IKZF2: variants seen among roughly 807,000 people sequenced by gnomAD.
IKZF2 encodes zinc finger protein Helios.
Under a neutral mutation model 49.2 loss-of-function variants are expected in IKZF2, and 15 were observed. That is an observed-to-expected ratio of 0.30 (90% CI 0.20 to 0.47). IKZF2 has a LOEUF of 0.47. IKZF2 is among the 20% of genes least tolerant of loss of function. IKZF2 has a pLI of 1.00. For synonymous variants in IKZF2, 227 were observed against 221.4 expected (o/e 1.03, Z -0.23); for missense variants, 567 against 664.6 (o/e 0.85, Z 1.61).
intron 6 of IKZF2, among the ~76,000 whole-genome samples, chr2:213,040,383 A>T (rs1247933760): frequency 6.6e-6 from 1 of 151,898 alleles, no homozygotes; most frequent in Non-Finnish European, 1.5e-5. Context: ...CCCTCTATGG[A>T]GACACATTCT....
intron 1 of IKZF2, among the ~76,000 whole-genome samples, chr2:213,151,016 G>A (rs1575019837): frequency 6.6e-6 from 1 of 150,872 alleles, no homozygotes; most frequent in African/African-American, 2.4e-5. Context: ...TTAAAACAAA[G>A]CAAAACAAGT....
At chr2:213,029,401 T>C (rs1698163989) in intron 6 of IKZF2, among the ~76,000 whole-genome samples, 1 of 152,088 alleles carries the variant, frequency 6.6e-6, no homozygotes, top group Admixed American at 6.5e-5. Flanking sequence ...CAATAATTTC[T>C]ATTTTTTATT....
chr2:213,128,316 T>C (rs2060336094), intron 4 of IKZF2, among the ~76,000 whole-genome samples: 1 of 152,214 alleles, frequency 6.6e-6, no homozygotes, highest in Non-Finnish European at 1.5e-5. Context: ...AATTGTTACA[T>C]TTATTTCTTC....
intron 4 of IKZF2, among the ~76,000 whole-genome samples, chr2:213,087,485 A>C (rs1270219214): frequency 1.3e-5 from 2 of 152,148 alleles, no homozygotes; most frequent in Admixed American, 6.5e-5. Context: ...TGAAATGACT[A>C]TCCATTACTA....
chr2:213,133,509 T>C (rs2060541005), intron 4 of IKZF2, among the ~76,000 whole-genome samples: 1 of 152,020 alleles, frequency 6.6e-6, no homozygotes, highest in African/African-American at 2.4e-5. Context: ...GGTAGGCAGA[T>C]TACTTGAGGT....
chr2:213,003,203 C>T lies in IKZF2; in HGVS notation c.*4157G>A, dbSNP rs1014116088. 2 of 151,910 alleles carry T rather than the reference C, an allele frequency of 1.3e-5. No individual in the cohort carries two copies. Among genetic ancestry groups the T allele is most frequent in the African/African-American group, 2.4e-5 (1 of 41,332 alleles). The allele number at this position is 151,910 out of a possible 1,614,324, so 9.4% of individuals were successfully genotyped here. The stretch of plus-strand genomic sequence containing the variant: ...CTCTCAATGCATTTTAAAAAGGCAC[C>T]AATATAAAGAACATAAGTATTTAAT... On this transcript the variant is annotated 3_prime_UTR_variant, in exon 9 of 9. Coordinates refer to ENST00000434687, the MANE Select transcript of IKZF2 (RefSeq NM_001387220.1).
intron 7 of IKZF2, among the ~76,000 whole-genome samples, chr2:213,021,129 C>T (rs1697162329): frequency 6.6e-6 from 1 of 152,056 alleles, no homozygotes; most frequent in Non-Finnish European, 1.5e-5. Flanking sequence ...AGGAGAATCG[C>T]TTGAACCGGG....
chr2:213,018,451 C>G (rs895248251), intron 7 of IKZF2, among the ~76,000 whole-genome samples: 1 of 152,000 alleles, frequency 6.6e-6, no homozygotes, highest in Non-Finnish European at 1.5e-5. Flanking sequence ...AATATTTCAC[C>G]TTGTTCTCTT....
chr2:213,066,375 G>C (rs753659142), intron 4 of IKZF2, among the ~76,000 whole-genome samples: 1 of 152,058 alleles, frequency 6.6e-6, no homozygotes, highest in Non-Finnish European at 1.5e-5. Context: ...CAGCTTTACC[G>C]GGTCTCTGAA....
intron 4 of IKZF2, among the ~76,000 whole-genome samples, chr2:213,131,629 T>G (rs1211917444): frequency 1.3e-5 from 2 of 152,194 alleles, no homozygotes; most frequent in Admixed American, 6.5e-5. Context: ...TTTGAAGTCA[T>G]GTACTTGAGA....
rs1420039330 is a variant in IKZF2, at chr2:213,003,207, A to G, written c.*4153T>C. ...CAATGCATTTTAAAAAGGCACCAAT[A>G]TAAAGAACATAAGTATTTAATACAT... On this transcript the variant is annotated 3_prime_UTR_variant, in exon 9 of 9. Coordinates refer to ENST00000434687, the MANE Select transcript of IKZF2 (RefSeq NM_001387220.1). 1 of 152,178 alleles carries G rather than the reference A, an allele frequency of 6.6e-6. No homozygotes were observed. The highest frequency in any genetic ancestry group is 2.4e-5 in the African/African-American group (1 of 41,414). 9.4% of individuals were successfully genotyped at this position (152,178 alleles called of 1,614,324 possible). A position where few individuals can be genotyped will look rare whatever the true frequency, so the allele number is the denominator to read the frequency against.
At chr2:213,149,780 C>A in intron 2 of IKZF2, among the ~76,000 whole-genome samples, 1 of 130,156 alleles carries the variant, frequency 7.7e-6, no homozygotes. Flanking sequence ...CTCCCTTACC[C>A]CCCCCCCAAA....
chr2:213,017,596 C>A (rs1178823241), intron 7 of IKZF2, among the ~76,000 whole-genome samples: 1 of 152,168 alleles, frequency 6.6e-6, no homozygotes, highest in African/African-American at 2.4e-5. Flanking sequence ...CATCTCTTTA[C>A]AAACACACAT....
chr2:213,094,650 A>C (rs1270829934), intron 4 of IKZF2, among the ~76,000 whole-genome samples: 1 of 152,136 alleles, frequency 6.6e-6, no homozygotes, highest in African/African-American at 2.4e-5. Flanking sequence ...GAGTACAGGT[A>C]CTCAATGGAC....
At position 213,005,400 on chromosome 2, in the gene IKZF2, C is replaced by G. The variant is rs1305991314; in HGVS notation, c.*1960G>C. 6.6e-6 allele frequency: 1 copy of G among 151,902 alleles called. No homozygotes were observed. Among genetic ancestry groups the G allele is most frequent in the African/African-American group, 2.4e-5 (1 of 41,384 alleles). 9.4% of individuals were successfully genotyped at this position (151,902 alleles called of 1,614,324 possible). A position where few individuals can be genotyped will look rare whatever the true frequency, so the allele number is the denominator to read the frequency against. ...GGGACTAGTAGAAGAGAGCTGAGTT[C>G]TAACCATTTTTGCCTAGTTCTAGCT... On this transcript the variant is annotated 3_prime_UTR_variant, in exon 9 of 9. Transcript: ENST00000434687.
chr2:213,134,092 C>A (rs1332235612), intron 4 of IKZF2, among the ~76,000 whole-genome samples: 3 of 152,182 alleles, frequency 2.0e-5, no homozygotes, highest in Admixed American at 2.0e-4. Context: ...AAAAGCCAAC[C>A]TGAGCCTTCT....
At chr2:213,009,252 T>A (rs1695679728) in intron 8 of IKZF2, among the ~76,000 whole-genome samples, 1 of 152,130 alleles carries the variant, frequency 6.6e-6, no homozygotes, top group Non-Finnish European at 1.5e-5. Context: ...TGTCTGACTG[T>A]TAACTATAAA....
chr2:213,045,424 C>G (rs1046781196), intron 6 of IKZF2, among the ~76,000 whole-genome samples: 3 of 152,142 alleles, frequency 2.0e-5, no homozygotes, highest in African/African-American at 7.2e-5. Context: ...TTTTTCCCTT[C>G]ACACTAGAGG....
intron 6 of IKZF2, among the ~76,000 whole-genome samples, chr2:213,026,804 T>A (rs1031846244): frequency 6.6e-6 from 1 of 152,150 alleles, no homozygotes; most frequent in Non-Finnish European, 1.5e-5. Context: ...ATTTTGAACA[T>A]TTCCCCATTA....
Sources: allele counts gnomAD v4.1 joint callset (sites outside exome capture counted in the v4.1 genomes callset), GRCh38; gene constraint gnomAD v4.1.1; transcripts MANE v1.5; gene names NCBI Gene and HGNC (gene_info 2026-07-23, HGNC 2026-07-21).